UBE2N: variants seen among roughly 807,000 people sequenced by gnomAD.
The protein encoded by UBE2N is ubiquitin-conjugating enzyme E2 N.
For synonymous variants in UBE2N, 70 were observed against 69.2 expected (o/e 1.01, Z -0.06); for missense variants, 60 against 192.1 (o/e 0.31, Z 4.07).
At chr12:93,425,390 CAATT>C (rs769445801) in intron 1 of UBE2N, among the ~76,000 whole-genome samples, 1 of 152,132 alleles carries the variant, frequency 6.6e-6, no homozygotes, top group African/African-American at 2.4e-5. Context: ...AGTCAATTGT[CAATT>C]AAGAGGTCAG....
In UBE2N at chr12:93,408,593, G is replaced by GA. The variant is rs1218055432; in HGVS notation, c.*1445dup. 3.3e-5 allele frequency: 5 copies of GA among 152,252 alleles called. No individual in the cohort carries two copies. In the East Asian group the frequency reaches 7.7e-4, roughly 23 times the overall value. The allele number at this position is 152,252 out of a possible 1,614,324, so 9.4% of individuals were successfully genotyped here. On this transcript the variant is annotated 3_prime_UTR_variant, in exon 4 of 4. Coordinates refer to ENST00000318066, the MANE Select transcript of UBE2N (RefSeq NM_003348.4). ...TACATTTATGACTTAAAAATAACAA[G>GA]AATCAGGAATTAGATATGGAGAGAG... is the stretch of plus-strand genomic sequence containing the variant.
chr12:93,410,717 G>A lies in UBE2N; in HGVS notation c.418+17C>T, dbSNP rs7969431. 0.017 allele frequency: 26,965 copies of A among 1,613,750 alleles called. 311 individuals are homozygous for A. The highest frequency in any genetic ancestry group is 0.034 in the Middle Eastern group (203 of 6,058). ...GTAAAAGTGGAAGTGGTGTGAAGGA[G>A]AATGAATATTAGATACCTGTTTCTA... On this transcript the variant is annotated intron_variant, in intron 3 of 3. Coordinates refer to ENST00000318066, the MANE Select transcript of UBE2N (RefSeq NM_003348.4).
Position 93,441,842 on chromosome 12 carries a change from C to T in UBE2N, c.30+13G>A, listed in dbSNP as rs183139722. 2,829 of 1,579,028 alleles carry T rather than the reference C, an allele frequency of 1.8e-3. 40 individuals carry two copies. The African/African-American group carries it at 0.032, about 18-fold the overall frequency. On this transcript the variant is annotated intron_variant, in intron 1 of 3. Coordinates refer to ENST00000318066, the MANE Select transcript of UBE2N (RefSeq NM_003348.4). Reference sequence around the variant, plus strand: ...AGCAGAGCGAAGAGCTGGAGGCCGGCCTGGGCGGTTACCTTGATGATCCTG... The same window carrying T: ...AGCAGAGCGAAGAGCTGGAGGCCGGTCTGGGCGGTTACCTTGATGATCCTG...
At chr12:93,424,091 T>G (rs1309940691) in intron 1 of UBE2N, among the ~76,000 whole-genome samples, 3 of 152,178 alleles carry the variant, frequency 2.0e-5, no homozygotes, top group Non-Finnish European at 4.4e-5. Flanking sequence ...CAAAAGCCCT[T>G]AAAAACAGTT....
In UBE2N at chr12:93,439,185, C is replaced by T. The variant is rs74407312; in HGVS notation, c.30+2670G>A. Among the ~76,000 whole-genome samples, 479 of 152,306 alleles carry T rather than the reference C, an allele frequency of 3.1e-3. 4 individuals carry two copies. Among genetic ancestry groups the T allele is most frequent in the African/African-American group, 0.011 (457 of 41,558 alleles). ...ATGTTATATCAACACTAAATTTCAT[C>T]CTTTGAAAGTCAAAGGTCAGGCGGG... is the stretch of plus-strand genomic sequence containing the variant. On this transcript the variant is annotated intron_variant, in intron 1 of 3. Transcript: ENST00000318066.
At chr12:93,430,090 C>T (rs1878715230) in intron 1 of UBE2N, among the ~76,000 whole-genome samples, 1 of 152,158 alleles carries the variant, frequency 6.6e-6, no homozygotes, top group Non-Finnish European at 1.5e-5. Context: ...CTGCAAGCTT[C>T]CTTCATGGTT....
chr12:93,441,007 A>G (rs1488370345), intron 1 of UBE2N: 1 of 152,322 alleles, frequency 6.6e-6, no homozygotes, highest in Admixed American at 6.5e-5. Flanking sequence ...TGGGCACTAT[A>G]GCGAGGCCTC....
chr12:93,425,101 T>C (rs1409230991), intron 1 of UBE2N, among the ~76,000 whole-genome samples: 1 of 152,206 alleles, frequency 6.6e-6, no homozygotes, highest in Non-Finnish European at 1.5e-5. Context: ...TTAGGGTCTG[T>C]TCTTTACATT....
chr12:93,428,184 T>C (rs1041898757), intron 1 of UBE2N, among the ~76,000 whole-genome samples: 3 of 152,314 alleles, frequency 2.0e-5, no homozygotes, highest in Non-Finnish European at 4.4e-5. Context: ...CCTCCCAAAG[T>C]GCTGGGATCA....
Position 93,410,730 on chromosome 12 carries a change from A to G in UBE2N, c.418+4T>C. 1 of 1,614,116 alleles carries G rather than the reference A, an allele frequency of 6.2e-7. No individual in the cohort carries two copies. Among genetic ancestry groups the G allele is most frequent in the Admixed American group, 1.7e-5 (1 of 60,028 alleles). Reference sequence around the variant, plus strand: ...TGGTGTGAAGGAGAATGAATATTAGATACCTGTTTCTATGGCTTGGGCTTC... The same window carrying G: ...TGGTGTGAAGGAGAATGAATATTAGGTACCTGTTTCTATGGCTTGGGCTTC... On this transcript the variant is annotated splice_donor_region_variant and intron_variant, in intron 3 of 3. Transcript: ENST00000318066.
At chr12:93,427,740 G>A (rs1878638203) in intron 1 of UBE2N, among the ~76,000 whole-genome samples, 1 of 152,008 alleles carries the variant, frequency 6.6e-6, no homozygotes, top group Admixed American at 6.6e-5. Context: ...TGAATTTTAT[G>A]GTATGAGAAT....
chr12:93,411,987 C>T (rs564532136), intron 1 of UBE2N, among the ~76,000 whole-genome samples: 3 of 152,164 alleles, frequency 2.0e-5, no homozygotes, highest in South Asian at 2.1e-4. Flanking sequence ...CCAACACACT[C>T]GGCCAAAAAT....
intron 1 of UBE2N, among the ~76,000 whole-genome samples, chr12:93,423,646 T>C (rs112288979): frequency 0.013 from 1,986 of 152,326 alleles, 19 homozygotes; most frequent in Non-Finnish European, 0.017. Flanking sequence ...ATGTGATATG[T>C]GACCACAGAC....
rs1303587666 is a variant in UBE2N, at chr12:93,408,242, T to A, written c.*1797A>T. The A allele has an allele frequency of 6.6e-6, 1 of 152,246 alleles. No homozygotes were observed. The highest frequency in any genetic ancestry group is 1.5e-5 in the Non-Finnish European group (1 of 68,048). 9.4% of individuals were successfully genotyped at this position (152,246 alleles called of 1,614,324 possible). ...CCCAAGAATTGTTATAAATGACAGC[T>A]GCTATCAGTTTTCAAATTTTACAAT... On this transcript the variant is annotated 3_prime_UTR_variant, in exon 4 of 4. Coordinates refer to ENST00000318066, the MANE Select transcript of UBE2N (RefSeq NM_003348.4).
chr12:93,408,144 G>C lies in UBE2N; in HGVS notation c.*1895C>G, dbSNP rs1027924667. ...AATGTTGATTTCTATTTCGTTTCTT[G>C]AAGTTTTGTGTGGTTCATTTTTAAA... is the stretch of plus-strand genomic sequence containing the variant. On this transcript the variant is annotated 3_prime_UTR_variant, in exon 4 of 4. Transcript: ENST00000318066. 4 of 152,132 alleles carry C rather than the reference G, an allele frequency of 2.6e-5. No individual in the cohort carries two copies. The highest frequency in any genetic ancestry group is 5.9e-5 in the Non-Finnish European group (4 of 68,016). The allele number at this position is 152,132 out of a possible 1,614,324, so 9.4% of individuals were successfully genotyped here.
intron 1 of UBE2N, among the ~76,000 whole-genome samples, chr12:93,417,830 GA>G (rs562403264): frequency 7.9e-5 from 12 of 151,594 alleles, no homozygotes; most frequent in African/African-American, 1.9e-4. Flanking sequence ...GTGTGTTATA[GA>G]AAAAAAATTT....
intron 1 of UBE2N, among the ~76,000 whole-genome samples, chr12:93,429,564 A>G (rs1399738716): frequency 1.2e-5 from 1 of 86,324 alleles, no homozygotes; most frequent in Non-Finnish European, 2.3e-5. Context: ...TCTGCTTGTT[A>G]AAAAAAAAAA....
chr12:93,438,483 C>T (rs1181522829), intron 1 of UBE2N, among the ~76,000 whole-genome samples: 1 of 151,892 alleles, frequency 6.6e-6, no homozygotes, highest in Non-Finnish European at 1.5e-5. Flanking sequence ...AGCAAAGCAA[C>T]AGTGTGGCTA....
At chr12:93,440,381 G>A (rs1433551638) in intron 1 of UBE2N, among the ~76,000 whole-genome samples, 2 of 152,168 alleles carry the variant, frequency 1.3e-5, no homozygotes, top group Non-Finnish European at 2.9e-5. Flanking sequence ...GGACTATGAA[G>A]ATTCACATTA....
Sources: gnomAD v4.1 joint callset for allele counts (sites outside exome capture counted in the v4.1 genomes callset) on GRCh38, gnomAD v4.1.1 for gene constraint, MANE v1.5 for transcripts, NCBI Gene and HGNC (gene_info 2026-07-23, HGNC 2026-07-21) for gene names.